ST3GAL5: variants seen among roughly 807,000 people sequenced by gnomAD.
ST3GAL5 encodes lactosylceramide alpha-2,3-sialyltransferase.
A neutral mutation model predicts 46.1 loss-of-function variants in ST3GAL5; 25 were observed. The ratio of observed to expected loss-of-function variants is 0.54; its 90% CI spans 0.40 to 0.76. ST3GAL5 has a LOEUF of 0.76. ST3GAL5 is among the 30% of genes least tolerant of loss of function. The pLI is 0.00. For synonymous variants in ST3GAL5, 182 were observed against 192.7 expected, an observed-to-expected ratio of 0.94 and a Z score of 0.46; for missense variants, 431 against 521.2, an observed-to-expected ratio of 0.83 and a Z score of 1.69.
rs78208676 is a variant in ST3GAL5, at chr2:85,864,273, G to T, written c.83-788C>A. Among the ~76,000 whole-genome samples, 48 of 152,160 alleles carry T rather than the reference G, an allele frequency of 3.2e-4. No homozygotes were observed. In the East Asian group the frequency reaches 7.2e-3, roughly 23 times the overall value. ...TCTCTCCAGATTATGTTTTACAACC[G>T]CATGTGAATACAATTATCCTAAACT... On this transcript the variant is annotated intron_variant, in intron 1 of 6. Transcript: ENST00000638572.
At chr2:85,842,478 C>A (rs1255955394) in intron 6 of ST3GAL5, among the ~76,000 whole-genome samples, 2 of 152,218 alleles carry the variant, frequency 1.3e-5, no homozygotes, top group Non-Finnish European at 2.9e-5. Context: ...GCTCAACAGG[C>A]TTCTTCATCT....
intron 1 of ST3GAL5, among the ~76,000 whole-genome samples, chr2:85,868,956 T>C (rs1685603025): frequency 6.6e-6 from 1 of 152,162 alleles, no homozygotes; most frequent in Non-Finnish European, 1.5e-5. Flanking sequence ...ACGATCAGAC[T>C]GCAGGGGAAG....
chr2:85,844,361 AG>A (rs770624157), intron 6 of ST3GAL5, 34 bp downstream of exon 6: 47 of 1,613,986 alleles, frequency 2.9e-5, no homozygotes, highest in Non-Finnish European at 4.0e-5. Flanking sequence ...CCCCTCAAAC[AG>A]GGAATGATTA....
chr2:85,863,914 G>A (rs1684999251), intron 1 of ST3GAL5, among the ~76,000 whole-genome samples: 2 of 152,218 alleles, frequency 1.3e-5, no homozygotes, highest in South Asian at 4.2e-4. Flanking sequence ...CACCCTGTTA[G>A]TCAGGCTGGT....
chr2:85,878,992 G>A lies in ST3GAL5; in HGVS notation c.82+9832C>T, dbSNP rs571528808. 9.2e-5 allele frequency among the ~76,000 whole-genome samples: 14 copies of A among 152,286 alleles called. No homozygotes were observed. The South Asian group carries it at 1.7e-3, about 18-fold the overall frequency. Reference sequence around the variant, plus strand: ...GACACACAGAGAGAGGTGTGTGCTCGGGCCAGATTACAGGGGCCTGGGGAA... The same window carrying A: ...GACACACAGAGAGAGGTGTGTGCTCAGGCCAGATTACAGGGGCCTGGGGAA... On this transcript the variant is annotated intron_variant, in intron 1 of 6. Transcript: ENST00000638572.
intron 1 of ST3GAL5, chr2:85,888,121 G>A (rs992673599): frequency 6.6e-6 from 1 of 152,114 alleles, no homozygotes; most frequent in Non-Finnish European, 1.5e-5. Context: ...GAGAGACCAT[G>A]AGCCCGAGCC....
At position 85,837,202 on chromosome 2, in the gene ST3GAL5, T is replaced by A. The variant is rs1346350914; in HGVS notation, c.*2942A>T. On this transcript the variant is annotated 3_prime_UTR_variant, in exon 7 of 7. Coordinates refer to ENST00000638572, the MANE Select transcript of ST3GAL5 (RefSeq NM_003896.4). ...TGAAATCAACCTAAGTGTCCATCAA[T>A]GGGTGAATGAATAAAGAAAATGTGG... 1 of 152,198 alleles carries A rather than the reference T, an allele frequency of 6.6e-6. No homozygotes were observed. Among genetic ancestry groups the A allele is most frequent in the Non-Finnish European group, 1.5e-5 (1 of 68,038 alleles). The allele number at this position is 152,198 out of a possible 1,614,324, so 9.4% of individuals were successfully genotyped here. A position where few individuals can be genotyped will look rare whatever the true frequency, so the allele number is the denominator to read the frequency against.
chr2:85,866,716 A>G (rs1300973336), intron 1 of ST3GAL5, among the ~76,000 whole-genome samples: 1 of 152,206 alleles, frequency 6.6e-6, no homozygotes, highest in Admixed American at 6.5e-5. Flanking sequence ...GCACGTCCCT[A>G]TCTCTGTTTA....
At chr2:85,851,556 G>A in intron 3 of ST3GAL5, 1 of 1,288,458 alleles carries the variant, frequency 7.8e-7, no homozygotes, top group Non-Finnish European at 1.0e-6. Context: ...AGACATCATT[G>A]TCTTGGGGGC....
At chr2:85,881,515 T>C (rs1028905412) in intron 1 of ST3GAL5, among the ~76,000 whole-genome samples, 6 of 152,294 alleles carry the variant, frequency 3.9e-5, no homozygotes, top group African/African-American at 1.2e-4. Flanking sequence ...AATATCCAGG[T>C]TGAGGTGGTC....
rs536377140 is a variant in ST3GAL5, at chr2:85,870,524, T to C, written c.83-7039A>G. ...GCTGCCAGGAACAGCCTCCGCATCA[T>C]GGCTTCAGCAACCACCTTTATGCAG... On this transcript the variant is annotated intron_variant, in intron 1 of 6. Coordinates refer to ENST00000638572, the MANE Select transcript of ST3GAL5 (RefSeq NM_003896.4). Among the ~76,000 whole-genome samples the C allele has an allele frequency of 4.6e-5, 7 of 152,324 alleles. No homozygotes were observed. In the East Asian group the frequency reaches 1.2e-3, roughly 25 times the overall value.
rs981565206 is a variant in ST3GAL5 at position 85,882,817 on chromosome 2, G to A, written c.82+6007C>T. On this transcript the variant is annotated intron_variant, in intron 1 of 6. Transcript: ENST00000638572. Reference sequence around the variant, plus strand: ...GCCATTGCACTCCAGCCTGTGCAACGGAGAGAGACTCTGTCTCAAAAAAAA... The same window carrying A: ...GCCATTGCACTCCAGCCTGTGCAACAGAGAGAGACTCTGTCTCAAAAAAAA... Among the ~76,000 whole-genome samples the A allele has an allele frequency of 8.8e-5, 7 of 79,604 alleles. 1 individual carries two copies. Among genetic ancestry groups the A allele is most frequent in the Non-Finnish European group, 1.6e-4 (6 of 38,392 alleles). The allele number at this position is 79,604 out of a possible 152,430, so 52.2% of individuals were successfully genotyped here.
chr2:85,865,130 T>C (rs1533605), intron 1 of ST3GAL5, among the ~76,000 whole-genome samples: 65,306 of 152,076 alleles, frequency 0.43, 14,417 homozygotes, highest in Admixed American at 0.53. Flanking sequence ...TAAGCTTCTG[T>C]CTTGTTTAAG....
intron 1 of ST3GAL5, among the ~76,000 whole-genome samples, chr2:85,881,854 G>A (rs1687189436): frequency 1.3e-5 from 2 of 152,240 alleles, no homozygotes; most frequent in Non-Finnish European, 2.9e-5. Flanking sequence ...TAAGTAGCAA[G>A]GAGACTAATG....
chr2:85,868,790 T>C (rs1685579560), intron 1 of ST3GAL5, among the ~76,000 whole-genome samples: 1 of 152,062 alleles, frequency 6.6e-6, no homozygotes, highest in Non-Finnish European at 1.5e-5. Context: ...GGCTAATTTT[T>C]GTATTTTTAG....
At chr2:85,840,478 GTCATGAAAGCTACATTGGGGGCTGCAATT>G in intron 6 of ST3GAL5, 86 bp from the exon 7 acceptor site, 1 of 1,465,812 alleles carries the variant, frequency 6.8e-7, no homozygotes, top group Non-Finnish European at 9.4e-7. Context: ...GCTACGCAGA[GTCATGAAAGCTACATTGGGGGCTGCAATT>G]TCATACATCA....
intron 1 of ST3GAL5, among the ~76,000 whole-genome samples, chr2:85,873,812 G>C (rs1167462784): frequency 1.3e-5 from 2 of 152,172 alleles, no homozygotes; most frequent in Non-Finnish European, 2.9e-5. Flanking sequence ...ACAACCACTG[G>C]AAGAGGCTGC....
intron 1 of ST3GAL5, among the ~76,000 whole-genome samples, chr2:85,873,158 C>A (rs764494163): frequency 7.9e-5 from 12 of 152,184 alleles, no homozygotes; most frequent in African/African-American, 2.9e-4. Flanking sequence ...CTCTGCACAT[C>A]TGCCTTCCAT....
intron 1 of ST3GAL5, among the ~76,000 whole-genome samples, chr2:85,879,044 G>A (rs765031812): frequency 5.3e-5 from 8 of 152,202 alleles, no homozygotes; most frequent in Non-Finnish European, 1.0e-4. Context: ...CAGCTAGGAA[G>A]GAACCAGGCT....
Sources: gnomAD v4.1 joint callset for allele counts (sites outside exome capture counted in the v4.1 genomes callset) on GRCh38, gnomAD v4.1.1 for gene constraint, MANE v1.5 for transcripts, NCBI Gene and HGNC (gene_info 2026-07-23, HGNC 2026-07-21) for gene names.